TRPC7: variants seen among roughly 807,000 people sequenced by gnomAD.
TRPC7 encodes transient receptor potential cation channel subfamily C member 7, also known as short transient receptor potential channel 7.
A neutral mutation model predicts 90.1 loss-of-function variants in TRPC7; 42 were observed. That is an observed-to-expected ratio of 0.47 (90% CI 0.36 to 0.60). The LOEUF (loss-of-function observed/expected upper bound fraction) is 0.60, where lower values mean the gene tolerates loss of function less well. Among genes scored for constraint, TRPC7 ranks in the 20% least tolerant of loss-of-function variants. The pLI is 0.00. For missense variants in TRPC7, 955 were observed against 1,112.3 expected (o/e 0.86, Z 2.01); for synonymous variants, 451 against 436.3 (o/e 1.03, Z -0.42).
At position 136,356,636 on chromosome 5, in the gene TRPC7, C is replaced by T. The variant is rs1172134263; in HGVS notation, c.752G>A (p.Arg251Lys). ...TALELSNELA[R>K]LANIETEFKN... is the part of the protein sequence containing the mutation. ...AAATTCAGTCTCAATGTTGGCTAGT[C>T]TGGCTAACTCGTTGCTGAGCTCCAG... The change falls in exon 2 of 12, where the codon AGA (arginine) becomes AAA (lysine). Residue 251 changes from arginine (R) to lysine (K), a missense_variant. Arg to Lys is a conservative substitution (Grantham distance 26). Transcript: ENST00000513104. The T allele has an allele frequency of 3.2e-6, 5 of 1,549,084 alleles. No individual in the cohort carries two copies. The highest frequency in any genetic ancestry group is 1.4e-5 in the African/African-American group (1 of 72,496).
chr5:136,242,508 G>C (rs185662725), intron 7 of TRPC7, among the ~76,000 whole-genome samples: 11 of 152,298 alleles, frequency 7.2e-5, no homozygotes, highest in African/African-American at 2.6e-4. Flanking sequence ...ATCTGACTTT[G>C]GGGCTTGCTC....
chr5:136,334,053 TAAC>T lies in TRPC7; in HGVS notation c.781-18277_781-18275del, dbSNP rs1037784237. ...CTGAAAATTTGATTTTTTTTTAAAA[TAAC>T]AAATTGAAAAATTATCCAAAAAGAG... On this transcript the variant is annotated intron_variant, in intron 2 of 11. Coordinates refer to ENST00000513104, the MANE Select transcript of TRPC7 (RefSeq NM_020389.3). Among the ~76,000 whole-genome samples the T allele has an allele frequency of 5.3e-5, 8 of 152,130 alleles. 1 individual carries two copies. The highest frequency in any genetic ancestry group is 3.9e-4 in the Admixed American group (6 of 15,278).
At chr5:136,291,562 T>G (rs1178698224) in intron 3 of TRPC7, among the ~76,000 whole-genome samples, 2 of 151,964 alleles carry the variant, frequency 1.3e-5, no homozygotes, top group Non-Finnish European at 2.9e-5. Flanking sequence ...TACGTAACGG[T>G]AAAGGGATCA....
At chr5:136,359,033 C>A (rs797016018) in intron 1 of TRPC7, among the ~76,000 whole-genome samples, 1 of 151,670 alleles carries the variant, frequency 6.6e-6, no homozygotes, top group African/African-American at 2.4e-5. Flanking sequence ...TAAAAATAGT[C>A]AAACAAAAAT....
At chr5:136,286,940 T>A (rs187894712) in intron 3 of TRPC7, among the ~76,000 whole-genome samples, 1 of 152,332 alleles carries the variant, frequency 6.6e-6, no homozygotes, top group East Asian at 1.9e-4. Flanking sequence ...CTCATGACCA[T>A]CTGAAATCTG....
Position 136,213,351 on chromosome 5 carries a change from A to AC in TRPC7, c.*83dup. 17 of 1,441,546 alleles carry AC rather than the reference A, an allele frequency of 1.2e-5. No homozygotes were observed. Among genetic ancestry groups the AC allele is most frequent in the Non-Finnish European group, 1.6e-5 (17 of 1,055,134 alleles). 89.3% of individuals were successfully genotyped at this position (1,441,546 alleles called of 1,614,324 possible). On this transcript the variant is annotated 3_prime_UTR_variant, in exon 12 of 12. Coordinates refer to ENST00000513104, the MANE Select transcript of TRPC7 (RefSeq NM_020389.3). ...CGTGTCCTAGAGGAGTGGGCTGGGG[A>AC]CCCCTCCCCACCAAGGATGGGGGCG...
At chr5:136,297,559 A>G (rs1034298297) in intron 3 of TRPC7, among the ~76,000 whole-genome samples, 18 of 152,114 alleles carry the variant, frequency 1.2e-4, no homozygotes, top group African/African-American at 2.9e-4. Context: ...AAGTATACTC[A>G]TTACCCAAAT....
Position 136,365,401 on chromosome 5 carries a change from T to G in TRPC7, c.-147A>C, listed in dbSNP as rs762417986. On this transcript the variant is annotated 5_prime_UTR_variant, in exon 1 of 12. Transcript: ENST00000513104. The stretch of plus-strand genomic sequence containing the variant: ...ATAGAGCTGGTCAAGTGAGTTAAGT[T>G]GCAACGATGTGAAAGCGCGCTCCTC... 43 of 805,630 alleles carry G rather than the reference T, an allele frequency of 5.3e-5. No individual in the cohort carries two copies. The highest frequency in any genetic ancestry group is 7.8e-5 in the Non-Finnish European group (39 of 497,942). The allele number at this position is 805,630 out of a possible 1,614,324, so 49.9% of individuals were successfully genotyped here.
intron 7 of TRPC7, among the ~76,000 whole-genome samples, chr5:136,235,435 G>A (rs957659801): frequency 6.6e-6 from 1 of 152,046 alleles, no homozygotes. Context: ...CTTGACCTTG[G>A]GCACCCATAG....
At chr5:136,323,386 T>A (rs1193994330) in intron 2 of TRPC7, among the ~76,000 whole-genome samples, 1 of 152,252 alleles carries the variant, frequency 6.6e-6, no homozygotes, top group African/African-American at 2.4e-5. Context: ...ATGCTTTTTA[T>A]GTTACAATTA....
At chr5:136,235,326 C>G (rs1254237867) in intron 7 of TRPC7, among the ~76,000 whole-genome samples, 4 of 152,172 alleles carry the variant, frequency 2.6e-5, no homozygotes, top group African/African-American at 4.8e-5. Flanking sequence ...CTACAATGAA[C>G]TTACGATGCC....
chr5:136,322,522 T>G (rs1003944624), intron 2 of TRPC7, among the ~76,000 whole-genome samples: 5 of 152,170 alleles, frequency 3.3e-5, no homozygotes, highest in African/African-American at 1.2e-4. Flanking sequence ...GCACTTGGTA[T>G]TGTTAATTTA....
At chr5:136,309,576 T>A (rs1248790732) in intron 3 of TRPC7, among the ~76,000 whole-genome samples, 1 of 152,062 alleles carries the variant, frequency 6.6e-6, no homozygotes, top group Non-Finnish European at 1.5e-5. Flanking sequence ...GTGGGAGGCA[T>A]GACTAACTCT....
chr5:136,348,849 T>C (rs1760093293), intron 2 of TRPC7, among the ~76,000 whole-genome samples: 1 of 152,256 alleles, frequency 6.6e-6, no homozygotes, highest in Non-Finnish European at 1.5e-5. Flanking sequence ...ACTTGATTAA[T>C]GCTACTCTAC....
intron 2 of TRPC7, 38 bp downstream of exon 2, chr5:136,356,569 TG>T: frequency 4.0e-6 from 6 of 1,499,622 alleles, no homozygotes; most frequent in African/African-American, 1.4e-5. Flanking sequence ...AAGAGCCCCC[TG>T]GGCAACCTGC....
intron 3 of TRPC7, among the ~76,000 whole-genome samples, chr5:136,310,061 C>T (rs568788762): frequency 6.6e-6 from 1 of 152,282 alleles, no homozygotes; most frequent in South Asian, 2.1e-4. Context: ...TGGTCTGTCC[C>T]CTGCCTGCAT....
chr5:136,212,801 T>C lies in TRPC7; in HGVS notation c.*634A>G, dbSNP rs900582940. ...TTAGGTAAAAATAGTAAATACAAGA[T>C]AATCTTAATAAAGGTAAAAATACAT... On this transcript the variant is annotated 3_prime_UTR_variant, in exon 12 of 12. Coordinates refer to ENST00000513104, the MANE Select transcript of TRPC7 (RefSeq NM_020389.3). Among the ~76,000 whole-genome samples, 1 of 152,272 alleles carries C rather than the reference T, an allele frequency of 6.6e-6. No homozygotes were observed. Among genetic ancestry groups the C allele is most frequent in the Non-Finnish European group, 1.5e-5 (1 of 68,044 alleles).
intron 7 of TRPC7, among the ~76,000 whole-genome samples, chr5:136,234,489 T>A (rs905675311): frequency 6.6e-6 from 1 of 152,042 alleles, no homozygotes; most frequent in Non-Finnish European, 1.5e-5. Context: ...TTTGTATTTT[T>A]AGTAGAGACG....
Position 136,212,794 on chromosome 5 carries a change from T to C in TRPC7, c.*641A>G, listed in dbSNP as rs570531343. On this transcript the variant is annotated 3_prime_UTR_variant, in exon 12 of 12. Coordinates refer to ENST00000513104, the MANE Select transcript of TRPC7 (RefSeq NM_020389.3). ...TTCCATTTTAGGTAAAAATAGTAAA[T>C]ACAAGATAATCTTAATAAAGGTAAA... Among the ~76,000 whole-genome samples, 2 of 152,352 alleles carry C rather than the reference T, an allele frequency of 1.3e-5. No homozygotes were observed. Among genetic ancestry groups the C allele is most frequent in the African/African-American group, 4.8e-5 (2 of 41,588 alleles).
Sources: gnomAD v4.1 joint callset for allele counts (sites outside exome capture counted in the v4.1 genomes callset) on GRCh38, gnomAD v4.1.1 for gene constraint, MANE v1.5 for transcripts, NCBI Gene and HGNC (gene_info 2026-07-23, HGNC 2026-07-21) for gene names.